SLC24A2: variants seen among roughly 807,000 people sequenced by gnomAD.
SLC24A2 encodes solute carrier family 24 member 2, also known as sodium/potassium/calcium exchanger 2.
In SLC24A2, 36 loss-of-function variants were observed where a neutral mutation model predicts 62.0. That is an observed-to-expected ratio of 0.58 (90% CI 0.44 to 0.77). The LOEUF (loss-of-function observed/expected upper bound fraction) is 0.77, where lower values mean the gene tolerates loss of function less well. Among genes scored for constraint, SLC24A2 ranks in the 30% least tolerant of loss-of-function variants. The pLI is 0.00. For missense variants in SLC24A2, 846 were observed against 817.9 expected, an observed-to-expected ratio of 1.03 and a Z score of -0.42; for synonymous variants, 358 against 294.0, an observed-to-expected ratio of 1.22 and a Z score of -2.23.
intron 7 of SLC24A2, among the ~76,000 whole-genome samples, chr9:19,559,789 T>G (rs1229035874): frequency 1.3e-5 from 2 of 152,204 alleles, no homozygotes; most frequent in African/African-American, 4.8e-5. Flanking sequence ...TAGTAAGTTA[T>G]TCTCACCTCC....
chr9:20,228,809 C>T, the SLC24A2 span, among the ~76,000 whole-genome samples: 2 of 152,044 alleles, frequency 1.3e-5, no homozygotes, highest in Non-Finnish European at 2.9e-5. Context: ...GCAGAAGAGG[C>T]CGGAGCTCCC....
At chr9:20,033,213 C>T in the SLC24A2 span, among the ~76,000 whole-genome samples, 10 of 152,134 alleles carry the variant, frequency 6.6e-5, no homozygotes, top group Non-Finnish European at 1.5e-4. Context: ...AGACCTTGAG[C>T]AGTGTAGTAA....
At chr9:20,175,481 A>G in the SLC24A2 span, among the ~76,000 whole-genome samples, 1 of 152,116 alleles carries the variant, frequency 6.6e-6, no homozygotes, top group Non-Finnish European at 1.5e-5. Context: ...ATACACTTAC[A>G]AATAGTTAAA....
chr9:20,209,661 G>A, the SLC24A2 span, among the ~76,000 whole-genome samples: 14 of 152,140 alleles, frequency 9.2e-5, 1 homozygote, highest in East Asian at 1.2e-3. Context: ...GAAACCAAAC[G>A]CCAGCCACAC....
At chr9:20,167,892 T>A in the SLC24A2 span, among the ~76,000 whole-genome samples, 6 of 151,904 alleles carry the variant, frequency 3.9e-5, no homozygotes, top group South Asian at 1.2e-3. Context: ...GCCCTGTTTT[T>A]TTTTTTTATA....
At chr9:19,622,917 C>A (rs1050212556) in intron 2 of SLC24A2, among the ~76,000 whole-genome samples, 1 of 152,056 alleles carries the variant, frequency 6.6e-6, no homozygotes, top group Non-Finnish European at 1.5e-5. Context: ...TAGGATCATC[C>A]CATATGGAAA....
chr9:20,179,002 T>C, the SLC24A2 span, among the ~76,000 whole-genome samples: 1 of 152,132 alleles, frequency 6.6e-6, no homozygotes, highest in Non-Finnish European at 1.5e-5. Context: ...ACTTGGGGAA[T>C]CTTCTTCAAA....
intron 4 of SLC24A2, among the ~76,000 whole-genome samples, chr9:19,603,372 T>C (rs1836893647): frequency 6.6e-6 from 1 of 152,148 alleles, no homozygotes; most frequent in Non-Finnish European, 1.5e-5. Context: ...GGCAAAATAT[T>C]CCATTATCTT....
the SLC24A2 span, among the ~76,000 whole-genome samples, chr9:20,199,768 G>A: frequency 6.6e-6 from 1 of 150,452 alleles, no homozygotes; most frequent in South Asian, 2.1e-4. Context: ...GCCCAAGCTG[G>A]AGTGCAATGG....
At chr9:20,065,241 G>C in the SLC24A2 span, among the ~76,000 whole-genome samples, 1 of 152,216 alleles carries the variant, frequency 6.6e-6, no homozygotes, top group African/African-American at 2.4e-5. Context: ...CTCTGCGTAA[G>C]AGTGGGGTCT....
chr9:20,151,082 G>A, the SLC24A2 span, among the ~76,000 whole-genome samples: 2 of 151,956 alleles, frequency 1.3e-5, no homozygotes, highest in African/African-American at 2.4e-5. Context: ...AGAATCCTCT[G>A]TAGCGAAGAA....
chr9:20,117,904 T>C, the SLC24A2 span, among the ~76,000 whole-genome samples: 2 of 152,298 alleles, frequency 1.3e-5, no homozygotes, highest in African/African-American at 4.8e-5. Flanking sequence ...TCAGAGTTGT[T>C]ATTAATATTA....
upstream of SLC24A2, among the ~76,000 whole-genome samples, chr9:19,790,952 G>C (rs941222188): frequency 1.3e-5 from 2 of 152,246 alleles, no homozygotes; most frequent in South Asian, 2.1e-4. Flanking sequence ...GTCTTGATTC[G>C]GTGAGAAGAG....
chr9:20,300,423 A>G, the SLC24A2 span, among the ~76,000 whole-genome samples: 1 of 152,182 alleles, frequency 6.6e-6, no homozygotes, highest in Non-Finnish European at 1.5e-5. Context: ...TTCTCATGGA[A>G]CTATTGTGAG....
intron 4 of SLC24A2, among the ~76,000 whole-genome samples, chr9:19,613,859 C>T (rs1326186227): frequency 1.3e-5 from 2 of 152,126 alleles, no homozygotes; most frequent in African/African-American, 4.8e-5. Flanking sequence ...CTGGCTCTGC[C>T]ATTTACTTCT....
chr9:19,890,082 C>T, the SLC24A2 span, among the ~76,000 whole-genome samples: 1 of 152,144 alleles, frequency 6.6e-6, no homozygotes, highest in South Asian at 2.1e-4. Flanking sequence ...ATTACAAACC[C>T]CAGTAAGTTG....
chr9:19,785,737 T>G (rs1451763993), intron 2 of SLC24A2, among the ~76,000 whole-genome samples, 200 bp downstream of exon 2: 2 of 152,200 alleles, frequency 1.3e-5, no homozygotes, highest in Non-Finnish European at 2.9e-5. Flanking sequence ...GCTGAGGAAC[T>G]TAGTAAACAT....
chr9:19,716,756 A>C (rs573171080), intron 2 of SLC24A2, among the ~76,000 whole-genome samples: 2 of 152,068 alleles, frequency 1.3e-5, no homozygotes, highest in South Asian at 4.2e-4. Context: ...CCATTCCCAT[A>C]GTCTCTTTTC....
At chr9:19,863,132 C>T in the SLC24A2 span, among the ~76,000 whole-genome samples, 1 of 151,868 alleles carries the variant, frequency 6.6e-6, no homozygotes, top group Admixed American at 6.6e-5. Flanking sequence ...AAGACAAAAG[C>T]TATAAGAGAG....
Sources: gnomAD v4.1 joint callset for allele counts (sites outside exome capture counted in the v4.1 genomes callset) on GRCh38, gnomAD v4.1.1 for gene constraint, MANE v1.5 for transcripts, NCBI Gene and HGNC (gene_info 2026-07-23, HGNC 2026-07-21) for gene names.